The following DNAH7 variants were observed in gnomAD, a reference collection of about 807,000 sequenced individuals.
DNAH7 encodes axonemal beta dynein heavy chain 7.
In DNAH7, 397 loss-of-function variants were observed where a neutral mutation model predicts 444.6. The observed-to-expected ratio is 0.89, with a 90% CI of 0.82 to 0.97. The LOEUF is 0.97. DNAH7 is among the 50% of genes least tolerant of loss of function. The probability of loss-of-function intolerance (pLI) is 0.00; values close to 1 mark genes in which losing one functional copy is unlikely to be tolerated. For missense variants in DNAH7, 4,902 were observed against 4,800.8 expected (o/e 1.02, Z -0.62); for synonymous variants, 1,636 against 1,624.4 (o/e 1.01, Z -0.17).
intron 15 of DNAH7, among the ~76,000 whole-genome samples, chr2:195,977,503 A>C (rs943776434): frequency 2.6e-5 from 4 of 152,170 alleles, no homozygotes; most frequent in Admixed American, 2.0e-4. Flanking sequence ...TAGGATCTGG[A>C]AAATAGCCTC....
chr2:196,008,914 C>T (rs6741913), intron 10 of DNAH7, among the ~76,000 whole-genome samples: 10,820 of 152,056 alleles, frequency 0.071, 542 homozygotes, highest in African/African-American at 0.14. Flanking sequence ...TGATTCTATA[C>T]GCTGTAGCAG....
At chr2:195,923,144 G>A (rs1224578653) in intron 23 of DNAH7, among the ~76,000 whole-genome samples, 2 of 152,154 alleles carry the variant, frequency 1.3e-5, no homozygotes, top group South Asian at 4.1e-4. Flanking sequence ...GATTACAGGC[G>A]TGAGTCACCA....
At chr2:196,035,040 G>A (rs1696297156) in intron 5 of DNAH7, among the ~76,000 whole-genome samples, 1 of 152,132 alleles carries the variant, frequency 6.6e-6, no homozygotes, top group Non-Finnish European at 1.5e-5. Context: ...AAATTAGCTG[G>A]TTATGGTGGT....
At chr2:195,989,136 T>C (rs1195625627) in intron 12 of DNAH7, among the ~76,000 whole-genome samples, 1 of 152,240 alleles carries the variant, frequency 6.6e-6, no homozygotes, top group Non-Finnish European at 1.5e-5. Context: ...TGAATAGTGC[T>C]GTAATAAACA....
chr2:195,847,220 CAT>C (rs1312247646), intron 46 of DNAH7, among the ~76,000 whole-genome samples: 3 of 150,790 alleles, frequency 2.0e-5, no homozygotes, highest in African/African-American at 4.9e-5. Flanking sequence ...TCCTAACACA[CAT>C]GTGTATGTTC....
intron 51 of DNAH7, among the ~76,000 whole-genome samples, chr2:195,812,386 G>C (rs1697011550): frequency 6.6e-6 from 1 of 152,088 alleles, no homozygotes; most frequent in Non-Finnish European, 1.5e-5. Context: ...CCATTGGGTG[G>C]TTACAATTAC....
intron 58 of DNAH7, among the ~76,000 whole-genome samples, chr2:195,778,640 ATAAAT>A (rs1695204966): frequency 6.5e-5 from 4 of 61,804 alleles, no homozygotes; most frequent in Non-Finnish European, 8.2e-5. Context: ...AAATAAATAA[ATAAAT>A]ATATATATAT....
At chr2:196,046,675 G>A (rs1208556907) in intron 5 of DNAH7, among the ~76,000 whole-genome samples, 3 of 152,114 alleles carry the variant, frequency 2.0e-5, no homozygotes, top group African/African-American at 7.2e-5. Flanking sequence ...TAAGCACTCA[G>A]TACCCACTGT....
chr2:195,873,206 C>T (rs996849501), intron 39 of DNAH7, among the ~76,000 whole-genome samples: 1 of 152,200 alleles, frequency 6.6e-6, no homozygotes, highest in Admixed American at 6.5e-5. Flanking sequence ...TGCAGCTAGG[C>T]AGCTCCAAGG....
chr2:196,067,429 T>C (rs1470443514), intron 1 of DNAH7, among the ~76,000 whole-genome samples: 1 of 149,228 alleles, frequency 6.7e-6, no homozygotes, highest in Non-Finnish European at 1.5e-5. Flanking sequence ...TATTAAACAA[T>C]TGCTCAGTGT....
At chr2:196,041,313 A>C (rs1278109665) in intron 5 of DNAH7, among the ~76,000 whole-genome samples, 1 of 152,148 alleles carries the variant, frequency 6.6e-6, no homozygotes, top group Admixed American at 6.5e-5. Flanking sequence ...TTCAAAATAC[A>C]GTACAAAGCT....
At chr2:195,903,332 T>C (rs1277005690) in intron 27 of DNAH7, 1 of 152,148 alleles carries the variant, frequency 6.6e-6, no homozygotes, top group Non-Finnish European at 1.5e-5. Context: ...AGGAACAAGC[T>C]GGATTTTAGT....
rs1692926184 is a variant in DNAH7, at chr2:195,986,574, G to C, written c.1754+492C>G. ...TCTGCTTTATACACTAGTATTCTGTGAGTTTACTTAACATGGGTCAGTTTT... is the reference window on the plus strand; with the variant it reads ...TCTGCTTTATACACTAGTATTCTGTCAGTTTACTTAACATGGGTCAGTTTT... On this transcript the variant is annotated intron_variant, in intron 14 of 64. Coordinates refer to ENST00000312428, the MANE Select transcript of DNAH7 (RefSeq NM_018897.3). Among the ~76,000 whole-genome samples, 7 of 152,256 alleles carry C rather than the reference G, an allele frequency of 4.6e-5. No homozygotes were observed. In the South Asian group the frequency reaches 1.5e-3, roughly 32 times the overall value.
intron 39 of DNAH7, 55 bp from the exon 40 acceptor site, chr2:195,872,524 G>T: frequency 1.7e-6 from 2 of 1,211,032 alleles, no homozygotes; most frequent in Non-Finnish European, 2.3e-6. Flanking sequence ...ATAGAATTAC[G>T]ACACAAAAAG....
At chr2:195,911,250 G>T (rs376575023) in intron 24 of DNAH7, among the ~76,000 whole-genome samples, 1 of 152,170 alleles carries the variant, frequency 6.6e-6, no homozygotes. Flanking sequence ...TCAAAAAATT[G>T]TGAGAGAAAA....
chr2:196,011,933 T>C (rs948825641), intron 10 of DNAH7, among the ~76,000 whole-genome samples: 1 of 152,156 alleles, frequency 6.6e-6, no homozygotes, highest in Non-Finnish European at 1.5e-5. Context: ...TAATTATGGG[T>C]TTTCATTTTA....
At chr2:196,041,826 C>A (rs543726201) in intron 5 of DNAH7, among the ~76,000 whole-genome samples, 1 of 151,660 alleles carries the variant, frequency 6.6e-6, no homozygotes, top group East Asian at 1.9e-4. Context: ...GATTAATAAC[C>A]AGAATATATA....
At chr2:196,061,553 ATTCCTCCCTTTTTCTC>A in intron 1 of DNAH7, among the ~76,000 whole-genome samples, 2 of 152,168 alleles carry the variant, frequency 1.3e-5, no homozygotes, top group Admixed American at 1.3e-4. Context: ...ACCATCCTTG[ATTCCTCCCTTTTTCTC>A]ATATCACACA....
intron 61 of DNAH7, among the ~76,000 whole-genome samples, chr2:195,759,312 C>A (rs985358237): frequency 1.3e-5 from 2 of 152,110 alleles, no homozygotes; most frequent in Admixed American, 1.3e-4. Context: ...AACCTGCACT[C>A]TTGAAGGGAA....
Sources: allele counts gnomAD v4.1 joint callset (sites outside exome capture counted in the v4.1 genomes callset), GRCh38; gene constraint gnomAD v4.1.1; transcripts MANE v1.5; gene names NCBI Gene and HGNC (gene_info 2026-07-23, HGNC 2026-07-21).